The following MAPRE3 variants were observed in gnomAD, a reference collection of about 807,000 sequenced individuals.
MAPRE3 encodes the protein microtubule associated protein RP/EB family member 3.
A neutral mutation model predicts 30.5 loss-of-function variants in MAPRE3; 2 were observed. The ratio of observed to expected loss-of-function variants is 0.07; its 90% CI spans 0.03 to 0.21. The LOEUF is 0.21. Ranked by LOEUF, MAPRE3 falls within the 10% of genes least tolerant of loss-of-function variation. The probability of loss-of-function intolerance (pLI) is 1.00; values close to 1 mark genes in which losing one functional copy is unlikely to be tolerated. For synonymous variants in MAPRE3, 110 were observed against 127.7 expected (o/e 0.86, Z 0.93); for missense variants, 204 against 351.8 (o/e 0.58, Z 3.36).
chr2:26,997,988 A>G (rs1160161489), intron 1 of MAPRE3, among the ~76,000 whole-genome samples: 3 of 152,212 alleles, frequency 2.0e-5, no homozygotes, highest in Non-Finnish European at 2.9e-5. Flanking sequence ...AAGACCTGCC[A>G]TGGTGGGACC....
At chr2:26,989,066 A>G (rs1274249166) in intron 1 of MAPRE3, among the ~76,000 whole-genome samples, 1 of 152,302 alleles carries the variant, frequency 6.6e-6, no homozygotes, top group Non-Finnish European at 1.5e-5. Context: ...TCACCACCTC[A>G]GCTTTTTCAT....
chr2:27,024,051 C>T (rs1572775324), intron 3 of MAPRE3, 45 bp from the exon 4 acceptor site: 1 of 1,503,210 alleles, frequency 6.7e-7, no homozygotes, highest in East Asian at 2.3e-5. Context: ...GGCGGTCCTA[C>T]AGCAGCAGGT....
rs1160406270 is a variant in MAPRE3, at chr2:27,015,857, C to T, written c.-7-6355C>T. ...AAGGAAGCAGATGGTCTCTAGAAAC[C>T]CTTCTGACCATGGGTTAGTGGGATT... On this transcript the variant is annotated intron_variant, in intron 1 of 6. Coordinates refer to ENST00000233121, the MANE Select transcript of MAPRE3 (RefSeq NM_012326.4). The surrounding 1 kb of genome is among the most constrained non-coding windows in gnomAD (Gnocchi z 4.0). Among the ~76,000 whole-genome samples, 1 of 152,028 alleles carries T rather than the reference C, an allele frequency of 6.6e-6. No individual in the cohort carries two copies. Among genetic ancestry groups the T allele is most frequent in the Non-Finnish European group, 1.5e-5 (1 of 68,002 alleles).
chr2:27,016,102 G>A (rs987458290), intron 1 of MAPRE3, among the ~76,000 whole-genome samples: 1 of 152,196 alleles, frequency 6.6e-6, no homozygotes, highest in Admixed American at 6.5e-5. Flanking sequence ...AGGCCCTTCA[G>A]AGCAGGCTTT....
At chr2:27,018,895 TTTTATTTA>T (rs143408252) in intron 1 of MAPRE3, among the ~76,000 whole-genome samples, 12 of 146,946 alleles carry the variant, frequency 8.2e-5, no homozygotes, top group Admixed American at 3.4e-4. Context: ...GCACACACAT[TTTTATTTA>T]TTTATTTATT....
intron 4 of MAPRE3, among the ~76,000 whole-genome samples, chr2:27,024,865 G>A (rs937297524): frequency 6.6e-6 from 1 of 152,208 alleles, no homozygotes; most frequent in African/African-American, 2.4e-5. Flanking sequence ...GGAGGGGAAG[G>A]GAGAGGAGCA....
rs755737593 is a variant in MAPRE3, at chr2:27,023,595, A to G, written c.267+118A>G. 8.2e-6 allele frequency: 10 copies of G among 1,212,696 alleles called. No individual in the cohort carries two copies. The South Asian group carries it at 1.1e-4, about 14-fold the overall frequency. 75.1% of individuals were successfully genotyped at this position (1,212,696 alleles called of 1,614,324 possible). ...CATTCCGGTGCTCGTGCCTCCCTCC[A>G]CCTCCCGACTCTCCAGAGGGAATTT... On this transcript the variant is annotated intron_variant, in intron 3 of 6. Transcript: ENST00000233121.
chr2:26,993,934 C>G lies in MAPRE3; in HGVS notation c.-8+23132C>G, dbSNP rs140910559. On this transcript the variant is annotated intron_variant, in intron 1 of 6. Coordinates refer to ENST00000233121, the MANE Select transcript of MAPRE3 (RefSeq NM_012326.4). Reference sequence around the variant, plus strand: ...TTGAGTAGGAGATGGCGCTCTCCCCCCAGACAGAGACTAATTGAGAAGACT... The same window carrying G: ...TTGAGTAGGAGATGGCGCTCTCCCCGCAGACAGAGACTAATTGAGAAGACT... Among the ~76,000 whole-genome samples the G allele has an allele frequency of 2.8e-3, 422 of 152,252 alleles. 1 individual carries two copies. Among genetic ancestry groups the G allele is most frequent in the African/African-American group, 9.6e-3 (400 of 41,544 alleles).
chr2:27,016,748 T>C (rs1174818809), intron 1 of MAPRE3, among the ~76,000 whole-genome samples: 1 of 152,172 alleles, frequency 6.6e-6, no homozygotes, highest in Non-Finnish European at 1.5e-5. Context: ...GGGCAAATAC[T>C]TTATACACCT....
intron 1 of MAPRE3, among the ~76,000 whole-genome samples, chr2:26,979,025 G>A (rs1452862319): frequency 6.6e-6 from 1 of 152,200 alleles, no homozygotes; most frequent in Non-Finnish European, 1.5e-5. Context: ...AACATGAGGG[G>A]ATGGAACCTT....
At chr2:27,003,125 T>C (rs1666640334) in intron 1 of MAPRE3, 1 of 152,436 alleles carries the variant, frequency 6.6e-6, no homozygotes, top group Non-Finnish European at 1.5e-5. Flanking sequence ...AATTACTAAC[T>C]GGTGAGCAGT....
chr2:26,995,829 G>GTGTGTGTGTGTGTGTGTGTGTGTGTA (rs1335864863), intron 1 of MAPRE3, among the ~76,000 whole-genome samples: 2 of 147,008 alleles, frequency 1.4e-5, no homozygotes, highest in African/African-American at 5.2e-5. Context: ...GTGTGTGTGT[G>GTGTGTGTGTGTGTGTGTGTGTGTGTA]TATGTGTGTG....
intron 1 of MAPRE3, among the ~76,000 whole-genome samples, chr2:26,991,111 A>G (rs897944674): frequency 6.6e-6 from 1 of 152,190 alleles, no homozygotes; most frequent in Non-Finnish European, 1.5e-5. Flanking sequence ...AAAATTAGCC[A>G]GGCGTGGTGG....
chr2:26,989,229 G>A (rs1666284981), intron 1 of MAPRE3, among the ~76,000 whole-genome samples: 1 of 152,202 alleles, frequency 6.6e-6, no homozygotes, highest in Non-Finnish European at 1.5e-5. Flanking sequence ...TCTGATGGCT[G>A]TTTTGCAGAA....
chr2:26,995,978 A>G (rs1666450924), intron 1 of MAPRE3, among the ~76,000 whole-genome samples: 1 of 151,742 alleles, frequency 6.6e-6, no homozygotes, highest in South Asian at 2.1e-4. Flanking sequence ...ATATCTGCCT[A>G]TCGCCTCTAT....
intron 1 of MAPRE3, among the ~76,000 whole-genome samples, chr2:26,991,229 G>A (rs1470335872): frequency 6.6e-6 from 1 of 152,168 alleles, no homozygotes; most frequent in Non-Finnish European, 1.5e-5. Context: ...ACTCCAGCCT[G>A]GGCGACAGAG....
chr2:27,018,918 T>A (rs1667048385), intron 1 of MAPRE3, among the ~76,000 whole-genome samples: 2 of 151,564 alleles, frequency 1.3e-5, no homozygotes, highest in South Asian at 4.2e-4. Flanking sequence ...TTTATTTATT[T>A]ATTTATTTAT....
chr2:27,023,305 C>T, intron 2 of MAPRE3, 27 bp from the exon 3 acceptor site: 2 of 1,583,764 alleles, frequency 1.3e-6, no homozygotes, highest in Non-Finnish European at 1.7e-6. Context: ...GCAGCAAGAC[C>T]CCTCAGCCAG....
chr2:26,977,608 C>G (rs1666039548), intron 1 of MAPRE3, among the ~76,000 whole-genome samples: 1 of 152,202 alleles, frequency 6.6e-6, no homozygotes, highest in Admixed American at 6.5e-5. Context: ...GCCATGAGCT[C>G]AGAGGCCCTT....
Sources: gnomAD v4.1 joint callset for allele counts (sites outside exome capture counted in the v4.1 genomes callset) on GRCh38, gnomAD v4.1.1 for gene constraint, Gnocchi (gnomAD v3.1) non-coding constraint, MANE v1.5 for transcripts, NCBI Gene and HGNC (gene_info 2026-07-23, HGNC 2026-07-21) for gene names.